CNIH3: variants seen among roughly 807,000 people sequenced by gnomAD.
CNIH3 encodes cornichon family AMPA receptor auxiliary protein 3.
CNIH3 carries 14 observed loss-of-function variants against 24.1 expected under a neutral mutation model. That is an observed-to-expected ratio of 0.58 (90% CI 0.38 to 0.91). CNIH3 has a LOEUF of 0.91. Among genes scored for constraint, CNIH3 ranks in the 40% least tolerant of loss-of-function variants. The pLI is 0.00. For synonymous variants in CNIH3, 68 were observed against 73.8 expected (o/e 0.92, Z 0.40); for missense variants, 178 against 196.8 (o/e 0.90, Z 0.57).
rs1683035870 is a variant in CNIH3, at chr1:224,617,020, C to T, written c.-155C>T. The T allele has an allele frequency of 1.4e-6, 2 of 1,424,562 alleles. No homozygotes were observed. Among genetic ancestry groups the T allele is most frequent in the East Asian group, 2.5e-5 (1 of 39,438 alleles). 88.2% of individuals were successfully genotyped at this position (1,424,562 alleles called of 1,614,324 possible). A position where few individuals can be genotyped will look rare whatever the true frequency, so the allele number is the denominator to read the frequency against. ...CGGGAATCCAGCGCTTATTCGCTGA[C>T]CCTCGAGTCGCTTCGCTAGCTGTGC... On this transcript the variant is annotated 5_prime_UTR_variant, in exon 1 of 6. Coordinates refer to ENST00000272133, the MANE Select transcript of CNIH3 (RefSeq NM_152495.2).
intron 3 of CNIH3, chr1:224,565,958 C>G (rs1680564677): frequency 6.6e-6 from 1 of 152,158 alleles, no homozygotes; most frequent in African/African-American, 2.4e-5. Flanking sequence ...GCTCGTTTCC[C>G]TTTCTCCTCT....
At chr1:224,675,784 C>T (rs116163785) in intron 1 of CNIH3, among the ~76,000 whole-genome samples, 6,306 of 152,214 alleles carry the variant, frequency 0.041, 207 homozygotes, top group East Asian at 0.15. Flanking sequence ...CTCGACACAC[C>T]TACTGAAATG....
In CNIH3 at chr1:224,470,269, C is replaced by T. The variant is rs555561017; in HGVS notation, n.203+35407C>T. On this transcript the variant is annotated intron_variant and non_coding_transcript_variant, in intron 1 of 5. Coordinates refer to the CNIH3 transcript ENST00000471578. ...TCCTGACCTTGTGAGCTACCTGCCT[C>T]GGCCTCCCGAAGTGTTGGGATTACA... Among the ~76,000 whole-genome samples, 16 of 151,204 alleles carry T rather than the reference C, an allele frequency of 1.1e-4. No homozygotes were observed. In the East Asian group the frequency reaches 2.9e-3, roughly 28 times the overall value.
chr1:224,491,043 G>A (rs914014750), intron 1 of CNIH3, among the ~76,000 whole-genome samples: 16 of 152,160 alleles, frequency 1.1e-4, no homozygotes, highest in African/African-American at 3.4e-4. Flanking sequence ...TGTTACAGGC[G>A]CATACTCCTA....
intron 1 of CNIH3, among the ~76,000 whole-genome samples, chr1:224,494,714 C>A (rs981912018): frequency 6.6e-6 from 1 of 152,198 alleles, no homozygotes; most frequent in Non-Finnish European, 1.5e-5. Context: ...TGAATTCCAA[C>A]TTCCACAGCT....
intron 1 of CNIH3, among the ~76,000 whole-genome samples, chr1:224,632,780 AG>A (rs1046836328): frequency 6.6e-6 from 1 of 152,096 alleles, no homozygotes; most frequent in African/African-American, 2.4e-5. Flanking sequence ...AATTGAGCCG[AG>A]GCCAGCCAAG....
At chr1:224,462,982 C>A (rs1440566641) in intron 1 of CNIH3, among the ~76,000 whole-genome samples, 2 of 148,778 alleles carry the variant, frequency 1.3e-5, no homozygotes, top group East Asian at 3.9e-4. Flanking sequence ...CTCACTGCAA[C>A]CTGCACCTCC....
intron 1 of CNIH3, among the ~76,000 whole-genome samples, chr1:224,628,494 G>A (rs1045645905): frequency 6.6e-6 from 1 of 151,886 alleles, no homozygotes; most frequent in African/African-American, 2.4e-5. Context: ...CCTCTAAACT[G>A]ATCTACTTCT....
intron 3 of CNIH3, among the ~76,000 whole-genome samples, chr1:224,610,804 C>T (rs889917340): frequency 2.6e-5 from 4 of 152,292 alleles, no homozygotes; most frequent in East Asian, 1.9e-4. Flanking sequence ...GACTTACTTA[C>T]AAGCAGAGAA....
chr1:224,516,042 C>T (rs568790535), intron 1 of CNIH3, among the ~76,000 whole-genome samples: 3 of 152,024 alleles, frequency 2.0e-5, no homozygotes, highest in South Asian at 2.1e-4. Flanking sequence ...ACTGCCCAGG[C>T]GCGGTGGCTT....
intron 1 of CNIH3, among the ~76,000 whole-genome samples, chr1:224,462,022 G>A (rs1675933922): frequency 1.3e-5 from 2 of 151,982 alleles, no homozygotes; most frequent in Non-Finnish European, 2.9e-5. Context: ...TTTTAGAGCT[G>A]TTGTAGGTTC....
chr1:224,583,517 A>G (rs1001450250), intron 5 of CNIH3, among the ~76,000 whole-genome samples: 3 of 152,194 alleles, frequency 2.0e-5, no homozygotes, highest in African/African-American at 7.2e-5. Flanking sequence ...GATTTTGGAC[A>G]TCATCAAATA....
chr1:224,508,300 C>T (rs770042172), intron 1 of CNIH3, among the ~76,000 whole-genome samples: 66 of 152,174 alleles, frequency 4.3e-4, no homozygotes, highest in Non-Finnish European at 7.8e-4. Context: ...ATGGCACAGG[C>T]TCAGATCTGG....
At chr1:224,620,868 G>GA (rs934365133) in intron 1 of CNIH3, among the ~76,000 whole-genome samples, 4 of 151,676 alleles carry the variant, frequency 2.6e-5, no homozygotes, top group South Asian at 2.1e-4. Flanking sequence ...CGTTTAGAAG[G>GA]AAAAAAAAGC....
At chr1:224,475,973 A>G (rs567644894) in intron 1 of CNIH3, among the ~76,000 whole-genome samples, 101 of 152,372 alleles carry the variant, frequency 6.6e-4, no homozygotes, top group African/African-American at 2.4e-3. Context: ...ACATCATATC[A>G]ACAGAATGAA....
At chr1:224,656,690 C>T (rs1448311330) in intron 1 of CNIH3, among the ~76,000 whole-genome samples, 1 of 152,166 alleles carries the variant, frequency 6.6e-6, no homozygotes, top group African/African-American at 2.4e-5. Context: ...ACTTACTGTG[C>T]TTGTGGCTGG....
intron 1 of CNIH3, among the ~76,000 whole-genome samples, chr1:224,658,647 A>T (rs1324488582): frequency 1.3e-5 from 2 of 151,234 alleles, no homozygotes; most frequent in African/African-American, 4.9e-5. Flanking sequence ...ACTTTTTGAT[A>T]GGAAATCCAC....
chr1:224,722,607 G>C (rs910935719), intron 3 of CNIH3, among the ~76,000 whole-genome samples: 8 of 152,126 alleles, frequency 5.3e-5, no homozygotes, highest in Admixed American at 5.2e-4. Context: ...GCTTACGTGG[G>C]ACCTTGTTAG....
chr1:224,495,379 A>G (rs1051417162), intron 1 of CNIH3, among the ~76,000 whole-genome samples: 1 of 151,386 alleles, frequency 6.6e-6, no homozygotes, highest in Admixed American at 6.5e-5. Context: ...AAGGTCTTGT[A>G]TCCTTAACTA....
Sources: allele counts gnomAD v4.1 joint callset (sites outside exome capture counted in the v4.1 genomes callset), GRCh38; gene constraint gnomAD v4.1.1; transcripts MANE v1.5; gene names NCBI Gene and HGNC (gene_info 2026-07-23, HGNC 2026-07-21).